ITGA11: variants seen among roughly 807,000 people sequenced by gnomAD.
ITGA11 encodes integrin subunit alpha 11, also known as integrin alpha-11.
Under a neutral mutation model 141.9 loss-of-function variants are expected in ITGA11, and 97 were observed. The ratio of observed to expected loss-of-function variants is 0.68; its 90% confidence interval spans 0.58 to 0.81. ITGA11 has a LOEUF of 0.81. Ranked by LOEUF, ITGA11 falls within the 30% of genes least tolerant of loss-of-function variation. The pLI, the probability that ITGA11 is intolerant of heterozygous loss-of-function variation, is 0.00. For synonymous variants in ITGA11, 658 were observed against 624.6 expected (o/e 1.05, Z -0.80); for missense variants, 1,387 against 1,559.2 (o/e 0.89, Z 1.86).
chr15:68,402,927 C>A lies in ITGA11; in HGVS notation c.155G>T (p.Gly52Val). 2 of 1,612,216 alleles carry A rather than the reference C, an allele frequency of 1.2e-6. No individual in the cohort carries two copies. The highest frequency in any genetic ancestry group is 1.7e-6 in the Non-Finnish European group (2 of 1,178,638). ...GYTVQQHDIS[G>V]NKWLVVGAPL... The stretch of plus-strand genomic sequence containing the variant: ...GGCCGCTCTCACTCACCACTTATTG[C>A]CACTGATGTCGTGCTGCTGCACTGT... Residue 52 changes from glycine to valine, a missense_variant, in exon 2 of 30, where the codon GGC becomes GTC. Transcript: ENST00000315757.
At chr15:68,429,226 G>C (rs1000726190) in intron 1 of ITGA11, among the ~76,000 whole-genome samples, 3 of 152,176 alleles carry the variant, frequency 2.0e-5, no homozygotes, top group Non-Finnish European at 4.4e-5. Context: ...CAGAGCCATG[G>C]AGTAACTTGC....
intron 3 of ITGA11, among the ~76,000 whole-genome samples, chr15:68,365,745 C>CT (rs376318476): frequency 0.019 from 2,907 of 150,486 alleles, 106 homozygotes; most frequent in African/African-American, 0.066. Context: ...CTTTTCTTTT[C>CT]TTTTTTTTGA....
intron 15 of ITGA11, among the ~76,000 whole-genome samples, chr15:68,329,742 G>T (rs377074126): frequency 1.3e-5 from 2 of 152,310 alleles, no homozygotes; most frequent in African/African-American, 4.8e-5. Flanking sequence ...AGCCCAGGCT[G>T]CTGTTGCTGC....
At chr15:68,382,523 A>G (rs542484370) in intron 2 of ITGA11, among the ~76,000 whole-genome samples, 69 of 152,322 alleles carry the variant, frequency 4.5e-4, no homozygotes, top group African/African-American at 1.6e-3. Flanking sequence ...CTTGGGTCAC[A>G]TCCAGACGTC....
intron 4 of ITGA11, among the ~76,000 whole-genome samples, chr15:68,363,293 C>T (rs1895310181): frequency 1.3e-5 from 2 of 152,140 alleles, no homozygotes; most frequent in African/African-American, 2.4e-5. Flanking sequence ...TCACACCATT[C>T]CTCTCAGACC....
intron 1 of ITGA11, among the ~76,000 whole-genome samples, chr15:68,423,856 G>A (rs1345222950): frequency 2.0e-5 from 3 of 151,978 alleles, no homozygotes; most frequent in Non-Finnish European, 1.5e-5. Context: ...TGGCGTTGTC[G>A]GTGTCCCATC....
rs544917696 is a variant in ITGA11 at position 68,322,545 on chromosome 15, A to G, written c.2323-1042T>C. The stretch of plus-strand genomic sequence containing the variant: ...AGCTGAGTTTCTTTTTTAGGTGTCT[A>G]GAAGGATAATCATGGCATTTGGTAA... On this transcript the variant is annotated intron_variant, in intron 18 of 29. Coordinates refer to ENST00000315757, the MANE Select transcript of ITGA11 (RefSeq NM_001004439.2). The surrounding 1 kb of genome is among the most constrained non-coding windows in gnomAD (Gnocchi z 5.6). 6.1e-4 allele frequency among the ~76,000 whole-genome samples: 93 copies of G among 152,170 alleles called. No individual in the cohort carries two copies. Among genetic ancestry groups the G allele is most frequent in the Non-Finnish European group, 1.5e-4 (10 of 68,006 alleles).
intron 10 of ITGA11, among the ~76,000 whole-genome samples, chr15:68,346,766 G>A (rs2140325325): frequency 6.6e-6 from 1 of 152,254 alleles, no homozygotes; most frequent in African/African-American, 2.4e-5. Context: ...AGCCCTCTCC[G>A]GATCTTTCCC....
At chr15:68,331,158 TGGGG>T in intron 14 of ITGA11, 47 bp from the exon 15 acceptor site, 1 of 1,124,478 alleles carries the variant, frequency 8.9e-7, no homozygotes, top group Non-Finnish European at 1.2e-6. Flanking sequence ...ACTGTGAGTG[TGGGG>T]GCGGGCGTCC....
At chr15:68,327,552 C>G (rs773578168) in intron 16 of ITGA11, among the ~76,000 whole-genome samples, 3 of 152,184 alleles carry the variant, frequency 2.0e-5, no homozygotes, top group Non-Finnish European at 4.4e-5. Context: ...AGTCCTGGAA[C>G]CCGCAGCTCA....
chr15:68,347,497 T>C (rs1894776461), intron 10 of ITGA11, among the ~76,000 whole-genome samples: 1 of 152,210 alleles, frequency 6.6e-6, no homozygotes, highest in South Asian at 2.1e-4. Context: ...CTTGCTGTTA[T>C]TCAAGACAGT....
chr15:68,317,484 A>C (rs1009275244), intron 20 of ITGA11, 121 bp from the exon 21 acceptor site: 5 of 728,986 alleles, frequency 6.9e-6, no homozygotes, highest in East Asian at 2.6e-5. Flanking sequence ...CCTGATACCC[A>C]TATGAAAGCC....
intron 2 of ITGA11, among the ~76,000 whole-genome samples, chr15:68,372,666 C>T (rs752158915): frequency 3.3e-5 from 5 of 152,180 alleles, no homozygotes; most frequent in Non-Finnish European, 7.3e-5. Flanking sequence ...GTGGAGACTG[C>T]ACTCTGGAAG....
chr15:68,353,857 C>A (rs980111413), intron 7 of ITGA11, among the ~76,000 whole-genome samples: 3 of 152,066 alleles, frequency 2.0e-5, no homozygotes, highest in Admixed American at 1.3e-4. Flanking sequence ...CTCACTAGGC[C>A]CTCTGAAATC....
chr15:68,310,914 G>C, intron 26 of ITGA11, 80 bp downstream of exon 26: 1 of 1,069,238 alleles, frequency 9.4e-7, no homozygotes, highest in South Asian at 1.4e-5. Context: ...CTATTGGGTC[G>C]GGAGGGAAAT....
chr15:68,404,705 G>A (rs72745266), intron 1 of ITGA11, among the ~76,000 whole-genome samples: 5,485 of 152,130 alleles, frequency 0.036, 136 homozygotes, highest in African/African-American at 0.059. Context: ...ACTCTGTGAC[G>A]CCTCCCCACC....
intron 2 of ITGA11, among the ~76,000 whole-genome samples, chr15:68,400,377 G>A (rs531136422): frequency 3.7e-4 from 55 of 149,850 alleles, no homozygotes; most frequent in African/African-American, 1.4e-3. Flanking sequence ...TTCTTAAATG[G>A]GACACACAAA....
intron 10 of ITGA11, among the ~76,000 whole-genome samples, chr15:68,347,541 G>T (rs567603097): frequency 6.6e-5 from 10 of 152,328 alleles, no homozygotes; most frequent in Admixed American, 3.9e-4. Context: ...GCTCAGAAAA[G>T]TCTGAGTGTG....
intron 2 of ITGA11, among the ~76,000 whole-genome samples, chr15:68,380,095 G>T (rs891090910): frequency 6.6e-6 from 1 of 152,182 alleles, no homozygotes; most frequent in African/African-American, 2.4e-5. Context: ...GGGGAAGAAA[G>T]CAAGGCCCAG....
Sources: allele counts gnomAD v4.1 joint callset (sites outside exome capture counted in the v4.1 genomes callset), GRCh38; gene constraint gnomAD v4.1.1; non-coding constraint Gnocchi (gnomAD v3.1); transcripts MANE v1.5; gene names NCBI Gene and HGNC (gene_info 2026-07-23, HGNC 2026-07-21).